Variants in DNAAF1 observed in about 807,000 individuals in gnomAD.
DNAAF1 encodes the protein dynein axonemal assembly factor 1.
DNAAF1 carries 65 observed loss-of-function variants against 71.1 expected under a neutral mutation model. The observed-to-expected ratio is 0.91, with a 90% CI of 0.75 to 1.12. The LOEUF (loss-of-function observed/expected upper bound fraction) is 1.12, where lower values mean the gene tolerates loss of function less well. Among genes scored for constraint, DNAAF1 ranks in the 50% most tolerant of loss-of-function variants. The pLI is 0.00. For synonymous variants in DNAAF1, 414 were observed against 354.6 expected, an observed-to-expected ratio of 1.17 and a Z score of -1.88; for missense variants, 1,178 against 899.8, an observed-to-expected ratio of 1.31 and a Z score of -3.96.
In DNAAF1 at chr16:84,172,635, G is replaced by T. The variant is rs145991873; in HGVS notation, c.1644+260G>T. 5.3e-6 allele frequency: 7 copies of T among 1,322,320 alleles called. No individual in the cohort carries two copies. The Admixed American group carries it at 1.6e-4, about 30-fold the overall frequency. 81.9% of individuals were successfully genotyped at this position (1,322,320 alleles called of 1,614,324 possible). A position where few individuals can be genotyped will look rare whatever the true frequency, so the allele number is the denominator to read the frequency against. ...AGTTTGGGGAGCCCTGACCCAAATC[G>T]CTACCCTTGAACCATGTCTACCAAA... On this transcript the variant is annotated intron_variant, in intron 9 of 11. Transcript: ENST00000378553.
chr16:84,154,292 G>T (rs183232650), intron 3 of DNAAF1, among the ~76,000 whole-genome samples: 1 of 152,240 alleles, frequency 6.6e-6, no homozygotes, highest in Admixed American at 6.5e-5. Flanking sequence ...TTCGCAGATG[G>T]CACTTTCTTG....
chr16:84,174,898 C>CA, intron 10 of DNAAF1, 176 bp downstream of exon 10: 1 of 791,444 alleles, frequency 1.3e-6, no homozygotes, highest in South Asian at 1.6e-5. Flanking sequence ...CTCTGTCACC[C>CA]AGGCTGCAGT....
At chr16:84,170,485 G>A in intron 8 of DNAAF1, 129 bp downstream of exon 8, 1 of 1,412,178 alleles carries the variant, frequency 7.1e-7, no homozygotes, top group Non-Finnish European at 9.8e-7. Flanking sequence ...AGAAGATAAT[G>A]GACACTAGTT....
At position 84,172,902 on chromosome 16, in the gene DNAAF1, T is replaced by C. The variant is rs76211008; in HGVS notation, c.1644+527T>C. ...CTTGAGTGAATGTTTGATCGCAGCC[T>C]TGCCTGTCACTCTTCCCTGAAGCTC... On this transcript the variant is annotated intron_variant, in intron 9 of 11. Coordinates refer to ENST00000378553, the MANE Select transcript of DNAAF1 (RefSeq NM_178452.6). 2.4e-3 allele frequency: 2,426 copies of C among 1,007,986 alleles called. 39 individuals are homozygous for C. In the African/African-American group the frequency reaches 0.039, roughly 16 times the overall value. The allele number at this position is 1,007,986 out of a possible 1,614,324, so 62.4% of individuals were successfully genotyped here.
In DNAAF1 at chr16:84,174,193, C is replaced by T. The variant is rs137895756; in HGVS notation, c.1645-476C>T. On this transcript the variant is annotated intron_variant, in intron 9 of 11. Coordinates refer to ENST00000378553, the MANE Select transcript of DNAAF1 (RefSeq NM_178452.6). ...TGCATCCAACCACACACTATGCTGC[C>T]TCCCCAACCACGCACTGGTTGTTAT... The T allele has an allele frequency of 8.7e-5, 88 of 1,008,838 alleles. 1 individual carries two copies. In the East Asian group the frequency reaches 5.5e-3, roughly 63 times the overall value. The allele number at this position is 1,008,838 out of a possible 1,614,324, so 62.5% of individuals were successfully genotyped here. A position where few individuals can be genotyped will look rare whatever the true frequency, so the allele number is the denominator to read the frequency against.
intron 9 of DNAAF1, chr16:84,173,055 G>T (rs937687784): frequency 1.0e-6 from 1 of 989,852 alleles, no homozygotes. Flanking sequence ...GCATTTCTGG[G>T]TACCTCTGAC....
In DNAAF1 at chr16:84,175,947, G is replaced by A. The variant is rs772607419; in HGVS notation, c.1713G>A (p.Pro571=). ...KSLEDQNMCF[P]KIEVISSLSD... ...TCTGTAAATAGAATATGTGCTTTCC[G>A]AAGATTGAGGTCATCTCGAGCTTGA... Residue 571 remains proline, a synonymous_variant, in exon 11 of 12, where the codon CCG becomes CCA. Transcript: ENST00000378553. 1.8e-5 allele frequency: 29 copies of A among 1,614,008 alleles called. No homozygotes were observed. The highest frequency in any genetic ancestry group is 5.5e-5 in the South Asian group (5 of 91,088).
intron 1 of DNAAF1, among the ~76,000 whole-genome samples, chr16:84,146,143 G>A (rs1424116524): frequency 6.6e-6 from 1 of 151,778 alleles, no homozygotes; most frequent in East Asian, 1.9e-4. Context: ...CCAGACTCAG[G>A]CCCAGACAGT....
At chr16:84,169,145 C>T (rs571179066) in intron 7 of DNAAF1, among the ~76,000 whole-genome samples, 1 of 139,258 alleles carries the variant, frequency 7.2e-6, no homozygotes, top group East Asian at 2.2e-4. Flanking sequence ...AATGCGGTGA[C>T]TCACTGCAAC....
chr16:84,170,356 G>A lies in DNAAF1; in HGVS notation c.1528G>A (p.Glu510Lys). Residue 510 changes from glutamate (E) to lysine (K), a missense_variant and splice_region_variant, in exon 8 of 12, where the codon GAA becomes AAA. Coordinates refer to ENST00000378553, the MANE Select transcript of DNAAF1 (RefSeq NM_178452.6). ...PPPPLGAARE[E>K]PTPQAVATEG... The stretch of plus-strand genomic sequence containing the variant: ...ACCGCCCCTGGGAGCTGCCAGGGAA[G>A]GTAATGTGAGCGGAGAAACACACAC... 1 of 1,613,748 alleles carries A rather than the reference G, an allele frequency of 6.2e-7. No homozygotes were observed.
Position 84,177,893 on chromosome 16 carries a change from A to C in DNAAF1, c.*52A>C. On this transcript the variant is annotated 3_prime_UTR_variant, in exon 12 of 12. Transcript: ENST00000378553. ...TGGTTTAATCATAAATGTCTCCCTT[A>C]GGCATGATAAACATTTTAACACCCA... The C allele has an allele frequency of 6.8e-7, 1 of 1,469,954 alleles. No homozygotes were observed. Among genetic ancestry groups the C allele is most frequent in the Non-Finnish European group, 9.5e-7 (1 of 1,049,334 alleles). The allele number at this position is 1,469,954 out of a possible 1,614,324, so 91.1% of individuals were successfully genotyped here.
At chr16:84,173,937 C>G (rs537575785) in intron 9 of DNAAF1, 1 of 153,640 alleles carries the variant, frequency 6.5e-6, no homozygotes, top group Admixed American at 6.5e-5. Context: ...AACTACAACA[C>G]TAATAGCTAA....
chr16:84,170,222 AG>A lies in DNAAF1; in HGVS notation c.1398del (p.Thr467ProfsTer13). On this transcript the variant is annotated frameshift_variant, in exon 8 of 12. Coordinates refer to ENST00000378553, the MANE Select transcript of DNAAF1 (RefSeq NM_178452.6). LOFTEE classifies it high-confidence loss of function. Reference sequence around the variant, plus strand: ...GGAGAGGATGGAGATCAAGAGCCAGAGGGGACCCTCCCAGCTGAGACCCTGC... The same window carrying A: ...GGAGAGGATGGAGATCAAGAGCCAGAGGGACCCTCCCAGCTGAGACCCTGC... ...VKGEDGDQEP[E>X]GTLPAETLLL... 1 of 1,612,616 alleles carries A rather than the reference AG, an allele frequency of 6.2e-7. No individual in the cohort carries two copies. Among genetic ancestry groups the A allele is most frequent in the Non-Finnish European group, 8.5e-7 (1 of 1,179,404 alleles).
At position 84,157,930 on chromosome 16, in the gene DNAAF1, A is replaced by G. The variant is rs557526478; in HGVS notation, c.742-1745A>G. Among the ~76,000 whole-genome samples the G allele has an allele frequency of 6.6e-5, 10 of 152,274 alleles. 1 individual carries two copies. The East Asian group carries it at 7.7e-4, about 12-fold the overall frequency. On this transcript the variant is annotated intron_variant, in intron 5 of 11. Coordinates refer to ENST00000378553, the MANE Select transcript of DNAAF1 (RefSeq NM_178452.6). Reference sequence around the variant, plus strand: ...AATACAAATTTATTTTCTCGTGGCCAGGCACAGTGGCTCACGCCTGTAATC... The same window carrying G: ...AATACAAATTTATTTTCTCGTGGCCGGGCACAGTGGCTCACGCCTGTAATC...
intron 5 of DNAAF1, among the ~76,000 whole-genome samples, chr16:84,156,318 T>G (rs1567543545): frequency 6.6e-6 from 1 of 152,238 alleles, no homozygotes; most frequent in Non-Finnish European, 1.5e-5. Context: ...TTACCCACAT[T>G]CTGGATTTAG....
chr16:84,158,640 C>T (rs2087554105), intron 5 of DNAAF1, among the ~76,000 whole-genome samples: 1 of 152,202 alleles, frequency 6.6e-6, no homozygotes, highest in Admixed American at 6.5e-5. Context: ...CCCTTTATTG[C>T]TGCCTGGGTG....
intron 1 of DNAAF1, among the ~76,000 whole-genome samples, chr16:84,146,066 C>T (rs760729356): frequency 6.6e-6 from 1 of 152,000 alleles, no homozygotes; most frequent in Non-Finnish European, 1.5e-5. Flanking sequence ...CATTGCATTC[C>T]AGCCCGGACG....
intron 5 of DNAAF1, chr16:84,159,103 A>G: frequency 1.0e-6 from 1 of 992,276 alleles, no homozygotes; most frequent in Non-Finnish European, 1.2e-6. Flanking sequence ...ATGGGGGAGG[A>G]TGGCAGGTCG....
intron 5 of DNAAF1, among the ~76,000 whole-genome samples, 168 bp from the exon 6 acceptor site, chr16:84,159,507 C>G (rs1316846534): frequency 6.6e-6 from 1 of 152,174 alleles, no homozygotes; most frequent in African/African-American, 2.4e-5. Context: ...AGCGTGAGAG[C>G]AATGGAAACC....
Sources: gnomAD v4.1 joint callset for allele counts (sites outside exome capture counted in the v4.1 genomes callset) on GRCh38, gnomAD v4.1.1 for gene constraint, MANE v1.5 for transcripts, NCBI Gene and HGNC (gene_info 2026-07-23, HGNC 2026-07-21) for gene names.